Variants in DGKB observed in about 807,000 individuals in gnomAD.
The protein encoded by DGKB is diacylglycerol kinase beta, also known as 90 kDa diacylglycerol kinase.
Under a neutral mutation model 114.3 loss-of-function variants are expected in DGKB, and 67 were observed. That is an observed-to-expected ratio of 0.59 (90% CI 0.48 to 0.72). DGKB has a LOEUF of 0.72. Ranked by LOEUF, DGKB falls within the 30% of genes least tolerant of loss-of-function variation. The probability of loss-of-function intolerance (pLI) is 0.00; values close to 1 mark genes in which losing one functional copy is unlikely to be tolerated. For missense variants in DGKB, 907 were observed against 975.2 expected (o/e 0.93, Z 0.93); for synonymous variants, 398 against 323.1 (o/e 1.23, Z -2.49).
At chr7:14,301,726 G>A (rs760972342) in intron 23 of DGKB, among the ~76,000 whole-genome samples, 37 of 152,080 alleles carry the variant, frequency 2.4e-4, no homozygotes, top group Admixed American at 2.0e-4. Flanking sequence ...TGAAGGCTTA[G>A]AAGACTAATA....
At chr7:14,396,184 C>T (rs533507322) in intron 21 of DGKB, among the ~76,000 whole-genome samples, 1 of 151,924 alleles carries the variant, frequency 6.6e-6, no homozygotes, top group African/African-American at 2.4e-5. Flanking sequence ...TGAATAGATG[C>T]AAAGTCTGTT....
At chr7:14,577,441 C>T (rs1181030470) in intron 19 of DGKB, among the ~76,000 whole-genome samples, 2 of 152,066 alleles carry the variant, frequency 1.3e-5, no homozygotes, top group African/African-American at 2.4e-5. Flanking sequence ...CACGGTGAAA[C>T]CCTGTCTCTA....
chr7:14,308,762 G>A (rs545369137), intron 23 of DGKB, among the ~76,000 whole-genome samples: 1 of 152,298 alleles, frequency 6.6e-6, no homozygotes, highest in East Asian at 1.9e-4. Context: ...AGTGAAGAAA[G>A]CCCTTAGAGA....
intron 6 of DGKB, among the ~76,000 whole-genome samples, chr7:14,713,033 A>G (rs1347158168): frequency 2.0e-5 from 3 of 152,136 alleles, no homozygotes; most frequent in Admixed American, 6.5e-5. Flanking sequence ...ACCTGCTTCA[A>G]TGTTATAAAC....
Position 14,566,115 on chromosome 7 carries a change from A to C in DGKB, c.1770+8097T>G, listed in dbSNP as rs1293945680. Among the ~76,000 whole-genome samples, 5 of 152,156 alleles carry C rather than the reference A, an allele frequency of 3.3e-5. No homozygotes were observed. In the East Asian group the frequency reaches 9.6e-4, roughly 29 times the overall value. On this transcript the variant is annotated intron_variant, in intron 20 of 25. Coordinates refer to ENST00000402815, the MANE Select transcript of DGKB (RefSeq NM_001350709.2). Reference sequence around the variant, plus strand: ...ATATAATTGGAAAGTATAATTTTAAAAAGAATCATTTTATAGAAACTAAAT... The same window carrying C: ...ATATAATTGGAAAGTATAATTTTAACAAGAATCATTTTATAGAAACTAAAT...
chr7:14,330,545 A>G (rs1407033792), intron 23 of DGKB, among the ~76,000 whole-genome samples: 4 of 152,018 alleles, frequency 2.6e-5, no homozygotes, highest in Non-Finnish European at 5.9e-5. Context: ...CAATTCTACC[A>G]TAAAAAGTTA....
At chr7:14,883,561 A>C (rs1372513026) in intron 1 of DGKB, among the ~76,000 whole-genome samples, 1 of 152,018 alleles carries the variant, frequency 6.6e-6, no homozygotes, top group Non-Finnish European at 1.5e-5. Context: ...TGATAGAGTT[A>C]GTTGTATGGA....
At chr7:14,259,662 G>A (rs1014574054) in intron 23 of DGKB, among the ~76,000 whole-genome samples, 11 of 152,114 alleles carry the variant, frequency 7.2e-5, no homozygotes, top group African/African-American at 2.7e-4. Flanking sequence ...CTGGCCTCAG[G>A]TGATCCACCC....
chr7:14,651,129 C>A (rs1814381526), intron 13 of DGKB, among the ~76,000 whole-genome samples: 1 of 152,210 alleles, frequency 6.6e-6, no homozygotes, highest in South Asian at 2.1e-4. Flanking sequence ...AAGAGGGAAT[C>A]CTCCCTAACT....
chr7:14,527,050 CACTACTTTGA>C (rs1790766052), intron 20 of DGKB, among the ~76,000 whole-genome samples: 1 of 152,086 alleles, frequency 6.6e-6, no homozygotes, highest in Non-Finnish European at 1.5e-5. Flanking sequence ...GGTGGTGTAA[CACTACTTTGA>C]ATTTACTGTC....
In DGKB at chr7:14,797,058, C is replaced by T. The variant is rs546126713; in HGVS notation, c.71-39327G>A. ...ACTAAATGGTTGGTATCATTGCTTACAAGTGCAACTTGACTGGTGGAGTTT... is the reference window on the plus strand; with the variant it reads ...ACTAAATGGTTGGTATCATTGCTTATAAGTGCAACTTGACTGGTGGAGTTT... On this transcript the variant is annotated intron_variant, in intron 2 of 25. Coordinates refer to ENST00000402815, the MANE Select transcript of DGKB (RefSeq NM_001350709.2). 6.2e-4 allele frequency among the ~76,000 whole-genome samples: 94 copies of T among 152,320 alleles called. 1 individual carries two copies. Among genetic ancestry groups the T allele is most frequent in the African/African-American group, 2.2e-3 (92 of 41,572 alleles).
At chr7:14,337,439 T>C (rs949400813) in intron 23 of DGKB, among the ~76,000 whole-genome samples, 1 of 152,152 alleles carries the variant, frequency 6.6e-6, no homozygotes, top group African/African-American at 2.4e-5. Context: ...CATTGGCAGG[T>C]TGTGATAAGC....
In DGKB at chr7:14,540,789, G is replaced by GTA. The variant is rs201780428; in HGVS notation, c.1770+33421_1770+33422dup. Among the ~76,000 whole-genome samples, 10 of 152,256 alleles carry GTA rather than the reference G, an allele frequency of 6.6e-5. No individual in the cohort carries two copies. In the East Asian group the frequency reaches 1.9e-3, roughly 29 times the overall value. On this transcript the variant is annotated intron_variant, in intron 20 of 25. Coordinates refer to ENST00000402815, the MANE Select transcript of DGKB (RefSeq NM_001350709.2). ...ACTACATATTTAAAACACATAAGCA[G>GTA]TAACAGGCAAATGATATGAATATAT...
intron 5 of DGKB, 124 bp from the exon 6 acceptor site, chr7:14,718,809 C>T (rs966645433): frequency 1.4e-6 from 1 of 700,292 alleles, no homozygotes; most frequent in South Asian, 2.0e-5. Context: ...CATAGAATAA[C>T]CAAATTCTCT....
intron 21 of DGKB, among the ~76,000 whole-genome samples, chr7:14,425,492 C>G (rs1351136781): frequency 6.6e-6 from 1 of 151,984 alleles, no homozygotes; most frequent in South Asian, 2.1e-4. Flanking sequence ...ATAATCCTGA[C>G]ATAAAGGTCA....
intron 6 of DGKB, among the ~76,000 whole-genome samples, chr7:14,714,076 A>AAC (rs71004329): frequency 0.081 from 11,914 of 147,660 alleles, 489 homozygotes; most frequent in Middle Eastern, 0.14. Context: ...TACCTGTTGA[A>AAC]ACACACACAC....
chr7:14,569,296 C>A (rs1219569705), intron 20 of DGKB, among the ~76,000 whole-genome samples: 2 of 152,132 alleles, frequency 1.3e-5, no homozygotes, highest in East Asian at 3.9e-4. Context: ...TCAAAGGAAA[C>A]AAGACCCTTT....
rs1270259916 is a variant in DGKB, at chr7:14,534,896, GAACAATCACAAATGCATGTGAAT to G, written c.1770+39293_1770+39315del. On this transcript the variant is annotated intron_variant, in intron 20 of 25. Transcript: ENST00000402815. ...AGAAATCAATTGCAGAAAGAAAACT[GAACAATCACAAATGCATGTGAAT>G]AAAATAAACTCTCGAAAAGTCACTG... Among the ~76,000 whole-genome samples the G allele has an allele frequency of 1.2e-4, 19 of 152,164 alleles. No individual in the cohort carries two copies. In the East Asian group the frequency reaches 3.7e-3, roughly 29 times the overall value.
At chr7:14,180,317 G>A (rs898016583) in intron 23 of DGKB, among the ~76,000 whole-genome samples, 2 of 152,114 alleles carry the variant, frequency 1.3e-5, no homozygotes, top group African/African-American at 4.8e-5. Flanking sequence ...ACTTTTTCAT[G>A]AATCACAGGG....
Sources: gnomAD v4.1 joint callset for allele counts (sites outside exome capture counted in the v4.1 genomes callset) on GRCh38, gnomAD v4.1.1 for gene constraint, MANE v1.5 for transcripts, NCBI Gene and HGNC (gene_info 2026-07-23, HGNC 2026-07-21) for gene names.